NAALADL2: variants seen among roughly 807,000 people sequenced by gnomAD.
NAALADL2 encodes the protein N-acetylated alpha-linked acidic dipeptidase like 2, also known as inactive N-acetylated-alpha-linked acidic dipeptidase-like protein 2.
In NAALADL2, 76 loss-of-function variants were observed where a neutral mutation model predicts 87.2. The observed-to-expected ratio is 0.87, with a 90% CI of 0.72 to 1.05. The LOEUF (loss-of-function observed/expected upper bound fraction) is 1.05, where lower values mean the gene tolerates loss of function less well. Among genes scored for constraint, NAALADL2 ranks in the 50% least tolerant of loss-of-function variants. NAALADL2 has a pLI of 0.00. For missense variants in NAALADL2, 1,089 were observed against 945.8 expected (o/e 1.15, Z -1.99); for synonymous variants, 354 against 331.0 (o/e 1.07, Z -0.75).
At chr3:174,552,637 A>G in intron 2 of NAALADL2, among the ~76,000 whole-genome samples, 1 of 151,804 alleles carries the variant, frequency 6.6e-6, no homozygotes. Context: ...TCTGCAAAAA[A>G]ATACCAAAAT....
intron 4 of NAALADL2, among the ~76,000 whole-genome samples, chr3:175,279,789 T>TGTGA (rs1287834367): frequency 3.9e-4 from 37 of 95,938 alleles, no homozygotes; most frequent in Admixed American, 3.2e-3. Flanking sequence ...AGTGTGTGAG[T>TGTGA]GTGTGTGTGT....
chr3:174,530,508 A>T (rs1229667598), intron 1 of NAALADL2, among the ~76,000 whole-genome samples: 2 of 152,166 alleles, frequency 1.3e-5, no homozygotes, highest in African/African-American at 4.8e-5. Flanking sequence ...TTACTGTGTT[A>T]GTCCGTTTTC....
At chr3:175,020,465 T>C (rs1407162838) in intron 1 of NAALADL2, among the ~76,000 whole-genome samples, 1 of 152,080 alleles carries the variant, frequency 6.6e-6, no homozygotes, top group Admixed American at 6.6e-5. Context: ...TATCTCCTAA[T>C]TGTAAATGTG....
intron 5 of NAALADL2, among the ~76,000 whole-genome samples, chr3:175,431,466 GC>G (rs1373007140): frequency 2.0e-5 from 3 of 151,978 alleles, no homozygotes; most frequent in African/African-American, 7.2e-5. Flanking sequence ...CTTCTGTGGA[GC>G]TAAAGGCACT....
At chr3:175,280,714 A>T (rs1754182686) in intron 4 of NAALADL2, among the ~76,000 whole-genome samples, 3 of 151,884 alleles carry the variant, frequency 2.0e-5, no homozygotes. Context: ...CTGCCACATG[A>T]ACAAACAGTG....
intron 4 of NAALADL2, among the ~76,000 whole-genome samples, chr3:175,296,451 A>G (rs945211738): frequency 2.0e-5 from 3 of 152,178 alleles, no homozygotes; most frequent in Admixed American, 1.3e-4. Context: ...TTAGGCATGC[A>G]TATGTTTAAA....
intron 1 of NAALADL2, among the ~76,000 whole-genome samples, chr3:174,991,627 GA>G (rs556727554): frequency 6.6e-6 from 1 of 152,178 alleles, no homozygotes; most frequent in African/African-American, 2.4e-5. Context: ...AAAGAAGCCA[GA>G]AGAGAATAAG....
At chr3:174,702,418 G>T (rs1241881034) in intron 2 of NAALADL2, among the ~76,000 whole-genome samples, 2 of 152,056 alleles carry the variant, frequency 1.3e-5, no homozygotes, top group African/African-American at 4.8e-5. Context: ...AAGCACTGGG[G>T]ATACATTGAA....
intron 2 of NAALADL2, among the ~76,000 whole-genome samples, chr3:175,169,450 T>A (rs920020176): frequency 7.4e-6 from 1 of 135,426 alleles, no homozygotes; most frequent in Non-Finnish European, 1.7e-5. Flanking sequence ...AGAGGGTAGT[T>A]GTAAGAATAT....
chr3:175,461,645 A>C (rs761608762), intron 6 of NAALADL2, among the ~76,000 whole-genome samples: 6 of 152,230 alleles, frequency 3.9e-5, no homozygotes, highest in Middle Eastern at 3.2e-3. Context: ...TACAGTATAC[A>C]TATTGTGACG....
At chr3:175,408,158 G>A (rs536829972) in intron 5 of NAALADL2, among the ~76,000 whole-genome samples, 1 of 152,184 alleles carries the variant, frequency 6.6e-6, no homozygotes, top group South Asian at 2.1e-4. Flanking sequence ...GTTGATCAAA[G>A]AGAACAAAAT....
At chr3:174,648,793 A>G (rs1724061937) in intron 2 of NAALADL2, among the ~76,000 whole-genome samples, 1 of 152,188 alleles carries the variant, frequency 6.6e-6, no homozygotes, top group Non-Finnish European at 1.5e-5. Flanking sequence ...TTAAATGAAT[A>G]ATAAAGCTTG....
intron 4 of NAALADL2, among the ~76,000 whole-genome samples, chr3:175,321,255 A>T (rs1023606962): frequency 7.8e-5 from 11 of 141,640 alleles, no homozygotes; most frequent in African/African-American, 2.9e-4. Context: ...ATCTCAATAG[A>T]TGCAGAAAAA....
chr3:174,521,571 CAAAAAAAAAAA>C (rs58465181), intron 1 of NAALADL2, among the ~76,000 whole-genome samples: 7 of 56,198 alleles, frequency 1.2e-4, no homozygotes, highest in South Asian at 9.2e-4. Context: ...GACCCTGTCT[CAAAAAAAAAAA>C]AAAAAAAAAA....
chr3:174,790,255 A>G (rs1717295111), intron 3 of NAALADL2, among the ~76,000 whole-genome samples: 1 of 152,180 alleles, frequency 6.6e-6, no homozygotes, highest in Non-Finnish European at 1.5e-5. Context: ...AGCTTACTAA[A>G]AAATTGATAA....
chr3:175,302,825 CGTGTGTGT>C (rs1757248015), intron 4 of NAALADL2, among the ~76,000 whole-genome samples: 1 of 150,534 alleles, frequency 6.6e-6, no homozygotes, highest in Non-Finnish European at 1.5e-5. Context: ...CCTGTCGAAA[CGTGTGTGT>C]ATATATGTGT....
intron 1 of NAALADL2, among the ~76,000 whole-genome samples, chr3:174,462,782 A>G (rs1311400868): frequency 6.6e-6 from 1 of 152,210 alleles, no homozygotes; most frequent in Non-Finnish European, 1.5e-5. Context: ...TCATGTTAAT[A>G]AGAGTTAGAA....
At chr3:174,833,449 T>C (rs1270690570) in intron 3 of NAALADL2, among the ~76,000 whole-genome samples, 1 of 152,140 alleles carries the variant, frequency 6.6e-6, no homozygotes, top group Non-Finnish European at 1.5e-5. Flanking sequence ...CAGGCTTAGA[T>C]GGCTTCACTA....
chr3:175,712,070 G>A (rs191849024), intron 11 of NAALADL2, among the ~76,000 whole-genome samples: 2 of 151,830 alleles, frequency 1.3e-5, no homozygotes, highest in Admixed American at 1.3e-4. Flanking sequence ...ATAAGATATT[G>A]TATTGAGATA....
Sources: allele counts gnomAD v4.1 joint callset (sites outside exome capture counted in the v4.1 genomes callset), GRCh38; gene constraint gnomAD v4.1.1; transcripts MANE v1.5; gene names NCBI Gene and HGNC (gene_info 2026-07-23, HGNC 2026-07-21).